The following NFIX variants were observed in gnomAD, a reference collection of about 807,000 sequenced individuals.
NFIX encodes nuclear factor 1 X-type.
A neutral mutation model predicts 53.3 loss-of-function variants in NFIX; 2 were observed. The ratio of observed to expected loss-of-function variants is 0.04; its 90% CI spans 0.02 to 0.12. The LOEUF is 0.12. Among genes scored for constraint, NFIX ranks in the 10% least tolerant of loss-of-function variants. NFIX has a pLI of 1.00. For missense variants in NFIX, 310 were observed against 674.5 expected, an observed-to-expected ratio of 0.46 and a Z score of 5.99; for synonymous variants, 244 against 289.0, an observed-to-expected ratio of 0.84 and a Z score of 1.58.
chr19:13,032,827 A>G (rs1186070267), intron 2 of NFIX, among the ~76,000 whole-genome samples: 4 of 152,116 alleles, frequency 2.6e-5, no homozygotes, highest in African/African-American at 9.7e-5. Flanking sequence ...AACAAGAGAC[A>G]CCCAAACCAG....
chr19:13,080,939 G>T (rs1006212097), intron 7 of NFIX, among the ~76,000 whole-genome samples: 2 of 152,014 alleles, frequency 1.3e-5, no homozygotes, highest in East Asian at 3.9e-4. Context: ...GGCAGAGCTT[G>T]CAGTGAGCTG....
At position 13,013,499 on chromosome 19, in the gene NFIX, G is replaced by A. The variant is rs2012489432; in HGVS notation, c.28-11522G>A. Among the ~76,000 whole-genome samples, 1 of 152,100 alleles carries A rather than the reference G, an allele frequency of 6.6e-6. No individual in the cohort carries two copies. Among genetic ancestry groups the A allele is most frequent in the Non-Finnish European group, 1.5e-5 (1 of 68,024 alleles). ...GCCCGCTGCAGCTGCGCCCGGGGAG[G>A]TGACCCTGGGGCAGCGGCTGACCCT... On this transcript the variant is annotated intron_variant, in intron 1 of 10. Coordinates refer to ENST00000592199, the MANE Select transcript of NFIX (RefSeq NM_001365902.3). The surrounding 1 kb of genome is among the most constrained non-coding windows in gnomAD (Gnocchi z 5.9).
intron 7 of NFIX, among the ~76,000 whole-genome samples, chr19:13,080,244 C>T (rs2017378586): frequency 1.3e-5 from 2 of 152,124 alleles, no homozygotes; most frequent in African/African-American, 4.8e-5. Context: ...AAGCAAACAC[C>T]AGTTTTTTTG....
intron 1 of NFIX, among the ~76,000 whole-genome samples, chr19:13,000,791 ATATGTGCAGGACCC>A (rs1361446730): frequency 1.3e-5 from 2 of 152,232 alleles, no homozygotes; most frequent in African/African-American, 2.4e-5. Flanking sequence ...GAGACAGGAC[ATATGTGCAGGACCC>A]TATGGTGGGC....
intron 8 of NFIX, among the ~76,000 whole-genome samples, chr19:13,087,231 A>G (rs961788044): frequency 5.9e-5 from 9 of 152,240 alleles, no homozygotes; most frequent in African/African-American, 2.2e-4. Context: ...GGAGGAGAAA[A>G]TCCAGTTAGA....
chr19:13,036,959 A>G lies in NFIX; in HGVS notation c.559+11407A>G, dbSNP rs1262358577. Among the ~76,000 whole-genome samples, 1 of 152,180 alleles carries G rather than the reference A, an allele frequency of 6.6e-6. No individual in the cohort carries two copies. Among genetic ancestry groups the G allele is most frequent in the African/African-American group, 2.4e-5 (1 of 41,444 alleles). The stretch of plus-strand genomic sequence containing the variant: ...TGCTCCCGGGGGACCAAGTGAAGAA[A>G]GGCCTTTAAAGGGAGGAGGCAAATG... On this transcript the variant is annotated intron_variant, in intron 2 of 10. Transcript: ENST00000592199. The surrounding 1 kb of genome is among the most constrained non-coding windows in gnomAD (Gnocchi z 4.7).
At chr19:13,084,850 A>G (rs1039865064) in intron 8 of NFIX, among the ~76,000 whole-genome samples, 2 of 152,042 alleles carry the variant, frequency 1.3e-5, no homozygotes, top group African/African-American at 4.8e-5. Context: ...TGGGCGGATC[A>G]TCTGAGGTTG....
rs1283967606 is a variant in NFIX at position 13,043,086 on chromosome 19, C to G, written c.559+17534C>G. Among the ~76,000 whole-genome samples the G allele has an allele frequency of 1.3e-5, 2 of 152,194 alleles. No individual in the cohort carries two copies. The highest frequency in any genetic ancestry group is 1.9e-4 in the East Asian group (1 of 5,200). On this transcript the variant is annotated intron_variant, in intron 2 of 10. Transcript: ENST00000592199. The surrounding 1 kb of genome is among the most constrained non-coding windows in gnomAD (Gnocchi z 4.0). ...GATGCACTTTTACAAGTCAAGTCTCCCATCCCTGTCATAGGTGTATGTCCC... is the reference window on the plus strand; with the variant it reads ...GATGCACTTTTACAAGTCAAGTCTCGCATCCCTGTCATAGGTGTATGTCCC...
intron 8 of NFIX, among the ~76,000 whole-genome samples, chr19:13,084,744 C>G (rs1427009091): frequency 6.6e-6 from 1 of 152,128 alleles, no homozygotes; most frequent in African/African-American, 2.4e-5. Context: ...ATTGTCTGAA[C>G]AGCCAGGCCC....
At chr19:13,023,176 A>G (rs1180104960) in intron 1 of NFIX, among the ~76,000 whole-genome samples, 3 of 149,358 alleles carry the variant, frequency 2.0e-5, no homozygotes, top group Admixed American at 6.6e-5. Flanking sequence ...GGAGAGAGAG[A>G]GAGGGAGTTT....
rs2012424991 is a variant in NFIX, at chr19:13,012,655, A to T, written c.28-12366A>T. On this transcript the variant is annotated intron_variant, in intron 1 of 10. Coordinates refer to ENST00000592199, the MANE Select transcript of NFIX (RefSeq NM_001365902.3). This position sits in a 1 kb window ranked among gnomAD's most constrained non-coding sequence, Gnocchi z 5.0. ...TCTCTCCTCCTGCGCCCATCCTGACATCCGACGGAGGATAATGCGCGTTGG... is the reference window on the plus strand; with the variant it reads ...TCTCTCCTCCTGCGCCCATCCTGACTTCCGACGGAGGATAATGCGCGTTGG... Among the ~76,000 whole-genome samples, 1 of 152,172 alleles carries T rather than the reference A, an allele frequency of 6.6e-6. No individual in the cohort carries two copies. The highest frequency in any genetic ancestry group is 2.4e-5 in the African/African-American group (1 of 41,444).
At position 13,037,304 on chromosome 19, in the gene NFIX, C is replaced by T. The variant is rs992725280; in HGVS notation, c.559+11752C>T. 7.2e-5 allele frequency among the ~76,000 whole-genome samples: 11 copies of T among 152,164 alleles called. No homozygotes were observed. The highest frequency in any genetic ancestry group is 2.4e-4 in the African/African-American group (10 of 41,426). ...TTAAGGGAGACCCGACTTCTGCACC[C>T]GGTCATATCCTCCCCAGGGCATGAC... On this transcript the variant is annotated intron_variant, in intron 2 of 10. Transcript: ENST00000592199. The surrounding 1 kb of genome is among the most constrained non-coding windows in gnomAD (Gnocchi z 4.2).
intron 6 of NFIX, among the ~76,000 whole-genome samples, chr19:13,077,765 T>C (rs2017196851): frequency 6.6e-6 from 1 of 152,196 alleles, no homozygotes; most frequent in Non-Finnish European, 1.5e-5. Context: ...AGCTGATCTT[T>C]CCAGAAGAAC....
rs1046741568 is a variant in NFIX, at chr19:13,030,809, C to T, written c.559+5257C>T. 8.5e-5 allele frequency among the ~76,000 whole-genome samples: 13 copies of T among 152,336 alleles called. No homozygotes were observed. In the South Asian group the frequency reaches 2.1e-3, roughly 24 times the overall value. On this transcript the variant is annotated intron_variant, in intron 2 of 10. Coordinates refer to ENST00000592199, the MANE Select transcript of NFIX (RefSeq NM_001365902.3). Reference sequence around the variant, plus strand: ...CATAATTTTCAGGGCCTTCCAGCTACATACTGTGCAGGGCTCAGTGCAAAA... The same window carrying T: ...CATAATTTTCAGGGCCTTCCAGCTATATACTGTGCAGGGCTCAGTGCAAAA...
In NFIX at chr19:13,025,297, T is replaced by A; in HGVS notation, c.304T>A (p.Cys102Ser). 1.9e-6 allele frequency: 3 copies of A among 1,614,024 alleles called. No individual in the cohort carries two copies. The change falls in exon 2 of 11, where the codon TGC becomes AGC. Residue 102 changes from cysteine (C) to serine (S), a missense_variant. Physicochemically the swap from Cys to Ser is moderately radical, Grantham distance 112. This residue lies in a region of NFIX where 64 missense variants were observed against 144.5 expected (regional missense o/e 0.44). Coordinates refer to ENST00000592199, the MANE Select transcript of NFIX (RefSeq NM_001365902.3). This position sits in a 1 kb window ranked among gnomAD's most constrained non-coding sequence, Gnocchi z 7.5. ...VLTITGKKPPCCVLSNPDQKG... is the reference protein window; with the variant it reads ...VLTITGKKPPSCVLSNPDQKG... ...GACCATCACGGGCAAGAAGCCCCCCTGCTGCGTGCTCTCCAACCCCGACCA... is the reference window on the plus strand; with the variant it reads ...GACCATCACGGGCAAGAAGCCCCCCAGCTGCGTGCTCTCCAACCCCGACCA...
At chr19:13,069,609 G>A (rs968753706) in intron 2 of NFIX, among the ~76,000 whole-genome samples, 2 of 152,186 alleles carry the variant, frequency 1.3e-5, no homozygotes, top group African/African-American at 4.8e-5. Flanking sequence ...AAGAAGTGGG[G>A]GTGGCCAAGA....
At chr19:13,091,400 C>CAAA (rs57370192) in intron 10 of NFIX, among the ~76,000 whole-genome samples, 26 of 57,168 alleles carry the variant, frequency 4.5e-4, no homozygotes, top group African/African-American at 1.1e-3. Flanking sequence ...TTCCTTCCCT[C>CAAA]AAAAAAAAAA....
chr19:13,084,647 G>T (rs1160588466), intron 8 of NFIX, among the ~76,000 whole-genome samples: 1 of 152,122 alleles, frequency 6.6e-6, no homozygotes, highest in African/African-American at 2.4e-5. Flanking sequence ...AGACTGCCAA[G>T]TGAACATGAT....
Position 13,081,074 on chromosome 19 carries a change from C to G in NFIX, c.1079-606C>G, listed in dbSNP as rs2017434597. ...CAGCACTTTGGGAGGCCAAGGCAGG[C>G]AGATCACTTGAGCCCAGGAGTTTGA... On this transcript the variant is annotated intron_variant, in intron 7 of 10. Transcript: ENST00000592199. The surrounding 1 kb of genome is among the most constrained non-coding windows in gnomAD (Gnocchi z 4.7). Among the ~76,000 whole-genome samples, 1 of 151,058 alleles carries G rather than the reference C, an allele frequency of 6.6e-6. No individual in the cohort carries two copies. Among genetic ancestry groups the G allele is most frequent in the African/African-American group, 2.4e-5 (1 of 41,012 alleles).
Sources: gnomAD v4.1 joint callset for allele counts (sites outside exome capture counted in the v4.1 genomes callset) on GRCh38, gnomAD v4.1.1 for gene constraint, gnomAD v4.1.1 regional missense constraint, Gnocchi (gnomAD v3.1) non-coding constraint, MANE v1.5 for transcripts, NCBI Gene and HGNC (gene_info 2026-07-23, HGNC 2026-07-21) for gene names.